The following PHF21B variants were observed in gnomAD, a reference collection of about 807,000 sequenced individuals.
PHF21B encodes PHD finger protein 21B, also known as PHD finger protein 4.
PHF21B carries 22 observed loss-of-function variants against 62.2 expected under a neutral mutation model. That is an observed-to-expected ratio of 0.35 (90% CI 0.25 to 0.51). The LOEUF is 0.51. PHF21B is among the 20% of genes least tolerant of loss of function. The pLI is 0.97. For synonymous variants in PHF21B, 341 were observed against 314.7 expected, an observed-to-expected ratio of 1.08 and a Z score of -0.88; for missense variants, 701 against 707.9, an observed-to-expected ratio of 0.99 and a Z score of 0.11.
chr22:44,971,877 T>C (rs2072645013), intron 2 of PHF21B, among the ~76,000 whole-genome samples: 2 of 152,188 alleles, frequency 1.3e-5, no homozygotes, highest in African/African-American at 4.8e-5. Flanking sequence ...TACCACCTGG[T>C]CCAGCACAAA....
At chr22:44,964,382 A>G (rs1282738828) in intron 2 of PHF21B, among the ~76,000 whole-genome samples, 1 of 151,716 alleles carries the variant, frequency 6.6e-6, no homozygotes, top group Non-Finnish European at 1.5e-5. Context: ...CCCTGCACTG[A>G]CTCTCGCACC....
At chr22:45,003,749 T>A (rs575916831) in intron 2 of PHF21B, 2 of 152,234 alleles carry the variant, frequency 1.3e-5, no homozygotes, top group East Asian at 3.9e-4. Context: ...AGGCCAAACG[T>A]CCACTCGTGG....
intron 5 of PHF21B, among the ~76,000 whole-genome samples, chr22:44,906,332 G>A (rs552199545): frequency 2.0e-5 from 3 of 152,286 alleles, no homozygotes; most frequent in Admixed American, 6.5e-5. Context: ...TTTGCAGGGC[G>A]AATAGACAGG....
At chr22:44,963,282 G>A (rs1437036845) in intron 2 of PHF21B, among the ~76,000 whole-genome samples, 1 of 152,264 alleles carries the variant, frequency 6.6e-6, no homozygotes, top group Admixed American at 6.5e-5. Context: ...GACCCGCCAC[G>A]CTCACACCAC....
intron 10 of PHF21B, among the ~76,000 whole-genome samples, chr22:44,886,569 C>T (rs1330028532): frequency 6.6e-6 from 1 of 151,980 alleles, no homozygotes; most frequent in Non-Finnish European, 1.5e-5. Flanking sequence ...TACCTGTGGT[C>T]CCAGCTCCTC....
intron 12 of PHF21B, among the ~76,000 whole-genome samples, chr22:44,884,671 T>TCAC (rs138019251): frequency 0.82 from 123,348 of 150,376 alleles, 50,602 homozygotes; most frequent in East Asian, 0.98. Context: ...GTCTGCACCA[T>TCAC]CACCATCATC....
chr22:44,905,126 G>A (rs1041169432), intron 5 of PHF21B, among the ~76,000 whole-genome samples: 1 of 152,110 alleles, frequency 6.6e-6, no homozygotes, highest in Non-Finnish European at 1.5e-5. Context: ...CTTCAGCTTT[G>A]CTTCTCCACC....
At chr22:44,981,378 G>A (rs1296348499) in intron 2 of PHF21B, among the ~76,000 whole-genome samples, 5 of 152,114 alleles carry the variant, frequency 3.3e-5, no homozygotes, top group African/African-American at 1.2e-4. Context: ...TGCACTCCCC[G>A]CCTCACTCAC....
chr22:44,905,696 T>G (rs565428657), intron 5 of PHF21B, among the ~76,000 whole-genome samples: 1 of 152,296 alleles, frequency 6.6e-6, no homozygotes, highest in Admixed American at 6.5e-5. Flanking sequence ...TGGCACCATC[T>G]CAGCTCACTG....
At chr22:44,945,925 A>G (rs2072059855) in intron 2 of PHF21B, among the ~76,000 whole-genome samples, 1 of 152,052 alleles carries the variant, frequency 6.6e-6, no homozygotes, top group Non-Finnish European at 1.5e-5. Context: ...CCTCAGGGCC[A>G]CCCGTGCTGT....
intron 2 of PHF21B, among the ~76,000 whole-genome samples, chr22:44,947,172 T>G (rs910002111): frequency 6.6e-6 from 1 of 152,148 alleles, no homozygotes; most frequent in African/African-American, 2.4e-5. Context: ...GCTGTCCCAG[T>G]CCCCAGGCAA....
chr22:45,000,693 A>C (rs2073200150), intron 2 of PHF21B: 1 of 152,156 alleles, frequency 6.6e-6, no homozygotes, highest in South Asian at 2.1e-4. Flanking sequence ...CAGGCGGCGT[A>C]GTCAGCATAG....
intron 3 of PHF21B, among the ~76,000 whole-genome samples, chr22:44,918,068 C>T (rs1204595103): frequency 1.4e-4 from 21 of 152,248 alleles, no homozygotes; most frequent in Admixed American, 1.4e-3. Flanking sequence ...GCCTTTGTCC[C>T]CCAATGCCAG....
At chr22:44,988,061 G>A (rs925016181) in intron 2 of PHF21B, among the ~76,000 whole-genome samples, 2 of 151,436 alleles carry the variant, frequency 1.3e-5, no homozygotes, top group Non-Finnish European at 2.9e-5. Flanking sequence ...GTCAGCGTTT[G>A]TCAAACTTAT....
chr22:44,996,592 G>C (rs1479841798), intron 2 of PHF21B, among the ~76,000 whole-genome samples: 1 of 151,704 alleles, frequency 6.6e-6, no homozygotes, highest in South Asian at 2.1e-4. Flanking sequence ...CGAGAGGAAG[G>C]GTCCCTACCC....
chr22:44,958,598 ATTTTTTTTTTTTT>A (rs59943293), intron 2 of PHF21B, among the ~76,000 whole-genome samples: 1 of 75,886 alleles, frequency 1.3e-5, no homozygotes, highest in Non-Finnish European at 2.2e-5. Context: ...CCTTCCTTTG[ATTTTTTTTTTTTT>A]TTTTTTTTTT....
Position 44,888,132 on chromosome 22 carries a change from A to C in PHF21B, c.1039-11T>G. 6.6e-7 allele frequency: 1 copy of C among 1,511,656 alleles called. No individual in the cohort carries two copies. The highest frequency in any genetic ancestry group is 2.6e-5 in the East Asian group (1 of 38,078). 93.6% of individuals were successfully genotyped at this position (1,511,656 alleles called of 1,614,324 possible). ...GTGGGTGATCTCGTTCTGGAAGAGA[A>C]GGGAGGGCAGGAGACAGGTCAGCCA... On this transcript the variant is annotated splice_polypyrimidine_tract_variant and intron_variant, in intron 9 of 12. Transcript: ENST00000313237.
At position 45,009,236 on chromosome 22, in the gene PHF21B, A is replaced by C; in HGVS notation, c.54+260T>G. 6.2e-6 allele frequency: 3 copies of C among 483,648 alleles called. No individual in the cohort carries two copies. In the South Asian group the frequency reaches 9.1e-5, roughly 15 times the overall value. The allele number at this position is 483,648 out of a possible 1,614,324, so 30.0% of individuals were successfully genotyped here. A position where few individuals can be genotyped will look rare whatever the true frequency, so the allele number is the denominator to read the frequency against. Reference sequence around the variant, plus strand: ...GCACCCTCCCAGTCATGCAGACCCTACATCGCTTAAGAGAAGACTCCAGGC... The same window carrying C: ...GCACCCTCCCAGTCATGCAGACCCTCCATCGCTTAAGAGAAGACTCCAGGC... On this transcript the variant is annotated intron_variant, in intron 1 of 12. Coordinates refer to ENST00000313237, the MANE Select transcript of PHF21B (RefSeq NM_138415.5). This position sits in a 1 kb window ranked among gnomAD's most constrained non-coding sequence, Gnocchi z 5.9.
At chr22:44,972,525 C>T (rs1224594164) in intron 2 of PHF21B, among the ~76,000 whole-genome samples, 3 of 152,262 alleles carry the variant, frequency 2.0e-5, no homozygotes, top group East Asian at 3.9e-4. Flanking sequence ...CGAGTGTTGG[C>T]GGACGCGGCT....
Sources: allele counts gnomAD v4.1 joint callset (sites outside exome capture counted in the v4.1 genomes callset), GRCh38; gene constraint gnomAD v4.1.1; non-coding constraint Gnocchi (gnomAD v3.1); transcripts MANE v1.5; gene names NCBI Gene and HGNC (gene_info 2026-07-23, HGNC 2026-07-21).